PDE4D: variants seen among roughly 807,000 people sequenced by gnomAD.
PDE4D encodes the protein 3',5'-cyclic-AMP phosphodiesterase 4D.
PDE4D carries 24 observed loss-of-function variants against 87.4 expected under a neutral mutation model. The ratio of observed to expected loss-of-function variants is 0.27; its 90% CI spans 0.20 to 0.39. The LOEUF is 0.39. PDE4D is among the 10% of genes least tolerant of loss of function. PDE4D has a pLI of 1.00. For synonymous variants in PDE4D, 384 were observed against 383.2 expected (o/e 1.00, Z -0.02); for missense variants, 714 against 1,041.0 (o/e 0.69, Z 4.32).
chr5:59,218,194 T>TTTA, intron 1 of PDE4D, among the ~76,000 whole-genome samples: 1 of 152,288 alleles, frequency 6.6e-6, no homozygotes, highest in South Asian at 2.1e-4. Context: ...AATGTTTATG[T>TTTA]TTATTTCCCT....
At position 59,215,857 on chromosome 5, in the gene PDE4D, C is replaced by A; in HGVS notation, c.567G>T (p.Glu189Asp). ...QANFVHSQRR[E>D]SFLYRSDSDY... Reference sequence around the variant, plus strand: ...CGCTGTCGGATCGATACAGGAAGGACTCCCGTCGTTGACTGTGGACAAAAT... The same window carrying A: ...CGCTGTCGGATCGATACAGGAAGGAATCCCGTCGTTGACTGTGGACAAAAT... The change falls in exon 2 of 15, where the codon GAG becomes GAT. Residue 189 changes from glutamate to aspartate, a missense_variant. Physicochemically the swap from Glu to Asp is conservative, Grantham distance 45 (BLOSUM62 2). Coordinates refer to ENST00000340635, the MANE Select transcript of PDE4D (RefSeq NM_001104631.2). The A allele has an allele frequency of 6.2e-7, 1 of 1,613,650 alleles. No individual in the cohort carries two copies. Among genetic ancestry groups the A allele is most frequent in the Non-Finnish European group, 8.5e-7 (1 of 1,179,668 alleles).
chr5:60,422,348 A>G (rs37702), intron 1 of PDE4D, among the ~76,000 whole-genome samples: 104,441 of 152,116 alleles, frequency 0.69, 37,130 homozygotes, highest in African/African-American at 0.88. Flanking sequence ...CAGCTCTCTC[A>G]GCAGAAACCT....
intron 1 of PDE4D, among the ~76,000 whole-genome samples, chr5:59,530,583 G>T (rs988811698): frequency 6.6e-6 from 1 of 151,336 alleles, no homozygotes. Flanking sequence ...GTCTGTACAT[G>T]TTCAGTATAT....
At chr5:59,329,697 A>G (rs1429628522) in intron 1 of PDE4D, among the ~76,000 whole-genome samples, 1 of 152,182 alleles carries the variant, frequency 6.6e-6, no homozygotes, top group Non-Finnish European at 1.5e-5. Context: ...GTGTTATTTG[A>G]ATGTAAAAAA....
At chr5:59,151,558 T>C (rs924454263) in intron 5 of PDE4D, among the ~76,000 whole-genome samples, 7 of 152,172 alleles carry the variant, frequency 4.6e-5, no homozygotes, top group Non-Finnish European at 2.9e-5. Flanking sequence ...TAACCTAATT[T>C]GTGAGCTCTC....
intron 1 of PDE4D, among the ~76,000 whole-genome samples, chr5:59,318,827 C>T (rs1369803605): frequency 6.6e-6 from 1 of 151,940 alleles, no homozygotes; most frequent in African/African-American, 2.4e-5. Flanking sequence ...CCTTTCTGCA[C>T]AAGATGGCTG....
At chr5:59,236,343 C>T (rs2153519931) in intron 1 of PDE4D, among the ~76,000 whole-genome samples, 1 of 152,276 alleles carries the variant, frequency 6.6e-6, no homozygotes, top group Admixed American at 6.5e-5. Flanking sequence ...TGGGACTTAG[C>T]TATTTCATCA....
At chr5:60,392,628 G>T (rs1440104870) in intron 1 of PDE4D, among the ~76,000 whole-genome samples, 1 of 152,182 alleles carries the variant, frequency 6.6e-6, no homozygotes, top group Non-Finnish European at 1.5e-5. Flanking sequence ...TATTTAATTA[G>T]AGATGCACAT....
At chr5:58,988,467 G>A (rs775832368) in intron 11 of PDE4D, 26 bp downstream of exon 11, 23 of 991,802 alleles carry the variant, frequency 2.3e-5, no homozygotes, top group Non-Finnish European at 3.3e-5. Context: ...GGAAAAATGT[G>A]TTCTGAAAAA....
chr5:60,135,173 C>T (rs968914046), intron 2 of PDE4D, among the ~76,000 whole-genome samples: 5 of 152,158 alleles, frequency 3.3e-5, no homozygotes, highest in South Asian at 4.1e-4. Context: ...AGAGACCCTT[C>T]GCCCCTTTAA....
chr5:59,520,016 T>G (rs911265153), intron 1 of PDE4D, among the ~76,000 whole-genome samples: 1 of 152,108 alleles, frequency 6.6e-6, no homozygotes, highest in African/African-American at 2.4e-5. Flanking sequence ...AATCCCAGCT[T>G]TTTTGGAGGC....
At chr5:60,509,845 T>C (rs553404789) in intron 1 of PDE4D, among the ~76,000 whole-genome samples, 1 of 152,314 alleles carries the variant, frequency 6.6e-6, no homozygotes, top group South Asian at 2.1e-4. Context: ...ACATTTGTGA[T>C]GAATACTTGG....
At chr5:59,195,804 A>G (rs1184791029) in intron 2 of PDE4D, among the ~76,000 whole-genome samples, 1 of 152,218 alleles carries the variant, frequency 6.6e-6, no homozygotes, top group Non-Finnish European at 1.5e-5. Context: ...TTTCTATAAT[A>G]ATAATTAGCA....
intron 1 of PDE4D, among the ~76,000 whole-genome samples, chr5:59,629,077 T>A (rs1292437345): frequency 6.6e-6 from 1 of 152,160 alleles, no homozygotes; most frequent in Non-Finnish European, 1.5e-5. Flanking sequence ...CCACCATGAT[T>A]CAATTACCTC....
intron 1 of PDE4D, among the ~76,000 whole-genome samples, chr5:59,660,644 G>A (rs1745088319): frequency 6.6e-6 from 1 of 151,972 alleles, no homozygotes; most frequent in African/African-American, 2.4e-5. Flanking sequence ...TCAAACCCCT[G>A]GGACTGAGAA....
At position 59,013,065 on chromosome 5, in the gene PDE4D, G is replaced by A. The variant is rs191013787; in HGVS notation, c.922-19600C>T. On this transcript the variant is annotated intron_variant, in intron 6 of 14. Transcript: ENST00000340635. ...TGAATGACTACTGGGTACATAATGC[G>A]ATGAAGGCAGAAATAAAGATGTTCT... is the stretch of plus-strand genomic sequence containing the variant. Among the ~76,000 whole-genome samples, 1,491 of 152,148 alleles carry A rather than the reference G, an allele frequency of 9.8e-3. 22 individuals carry two copies. Among genetic ancestry groups the A allele is most frequent in the African/African-American group, 0.034 (1,409 of 41,522 alleles).
intron 6 of PDE4D, among the ~76,000 whole-genome samples, chr5:59,017,246 G>A (rs1481817635): frequency 6.6e-6 from 1 of 152,174 alleles, no homozygotes; most frequent in African/African-American, 2.4e-5. Context: ...TTTACATTTT[G>A]TAAAGCTGTC....
chr5:59,437,236 T>C (rs1046162452), intron 1 of PDE4D, among the ~76,000 whole-genome samples: 12 of 152,182 alleles, frequency 7.9e-5, no homozygotes, highest in African/African-American at 2.9e-4. Context: ...GGAGTGGCAT[T>C]TTGCTTTAGA....
intron 1 of PDE4D, among the ~76,000 whole-genome samples, chr5:59,383,417 C>A (rs1786302583): frequency 6.6e-6 from 1 of 152,114 alleles, no homozygotes; most frequent in South Asian, 2.1e-4. Flanking sequence ...TCAAAGGGCC[C>A]TTTCTAACCT....
Sources: gnomAD v4.1 joint callset for allele counts (sites outside exome capture counted in the v4.1 genomes callset) on GRCh38, gnomAD v4.1.1 for gene constraint, MANE v1.5 for transcripts, NCBI Gene and HGNC (gene_info 2026-07-23, HGNC 2026-07-21) for gene names.